SMAP1: variants seen among roughly 807,000 people sequenced by gnomAD.
The protein encoded by SMAP1 is small ArfGAP 1.
A neutral mutation model predicts 58.5 loss-of-function variants in SMAP1; 24 were observed. That is an observed-to-expected ratio of 0.41 (90% CI 0.30 to 0.58). The LOEUF (loss-of-function observed/expected upper bound fraction) is 0.58, where lower values mean the gene tolerates loss of function less well. Among genes scored for constraint, SMAP1 ranks in the 20% least tolerant of loss-of-function variants. The pLI, the probability that SMAP1 is intolerant of heterozygous loss-of-function variation, is 0.29. For missense variants in SMAP1, 563 were observed against 566.3 expected, an observed-to-expected ratio of 0.99 and a Z score of 0.06; for synonymous variants, 216 against 196.6, an observed-to-expected ratio of 1.10 and a Z score of -0.82.
At chr6:70,751,110 C>T (rs1317428133) in intron 2 of SMAP1, among the ~76,000 whole-genome samples, 2 of 151,946 alleles carry the variant, frequency 1.3e-5, no homozygotes, top group African/African-American at 2.4e-5. Flanking sequence ...CATGGTGGCA[C>T]GCATCTGTAC....
chr6:70,843,961 G>A (rs570083917), intron 7 of SMAP1, among the ~76,000 whole-genome samples: 25 of 152,270 alleles, frequency 1.6e-4, no homozygotes, highest in Admixed American at 1.5e-3. Flanking sequence ...ATTATGCTGA[G>A]TAACACACAG....
At chr6:70,803,770 G>A (rs867057005) in intron 6 of SMAP1, among the ~76,000 whole-genome samples, 1 of 152,160 alleles carries the variant, frequency 6.6e-6, no homozygotes, top group Non-Finnish European at 1.5e-5. Flanking sequence ...TTCAGGAGCA[G>A]GTTGTTCAGT....
chr6:70,736,561 T>A (rs537114526), intron 2 of SMAP1, among the ~76,000 whole-genome samples: 2 of 152,352 alleles, frequency 1.3e-5, no homozygotes, highest in South Asian at 4.1e-4. Context: ...ATAGTGATAG[T>A]TATTAATGTT....
chr6:70,673,328 G>GT (rs979251496), intron 1 of SMAP1, among the ~76,000 whole-genome samples: 3 of 152,316 alleles, frequency 2.0e-5, no homozygotes, highest in African/African-American at 7.2e-5. Flanking sequence ...GTCTGTAGAC[G>GT]TTTTTTGTTA....
At chr6:70,841,845 A>G (rs1770818561) in intron 7 of SMAP1, among the ~76,000 whole-genome samples, 1 of 152,230 alleles carries the variant, frequency 6.6e-6, no homozygotes, top group African/African-American at 2.4e-5. Flanking sequence ...TTAGCAACAT[A>G]TACCCAGTTT....
chr6:70,816,070 A>T (rs867095384), intron 6 of SMAP1, among the ~76,000 whole-genome samples: 1 of 152,158 alleles, frequency 6.6e-6, no homozygotes, highest in South Asian at 2.1e-4. Flanking sequence ...GGAGGTTTGG[A>T]GAATTGAGAG....
chr6:70,835,167 G>C (rs1422986343), intron 6 of SMAP1, among the ~76,000 whole-genome samples: 5 of 149,928 alleles, frequency 3.3e-5, no homozygotes, highest in African/African-American at 1.2e-4. Flanking sequence ...CAGGAGAATG[G>C]CTTGAACCCG....
chr6:70,799,293 G>T (rs927373905), intron 6 of SMAP1, among the ~76,000 whole-genome samples: 3 of 152,144 alleles, frequency 2.0e-5, no homozygotes, highest in African/African-American at 7.2e-5. Context: ...AACTCAAATT[G>T]TAGATGTTTA....
intron 1 of SMAP1, among the ~76,000 whole-genome samples, chr6:70,679,316 G>A (rs1297711334): frequency 6.6e-6 from 1 of 152,132 alleles, no homozygotes; most frequent in East Asian, 1.9e-4. Flanking sequence ...ACCGCGCCTG[G>A]CCAGAATCTA....
chr6:70,768,076 C>T (rs1467602430), intron 3 of SMAP1, among the ~76,000 whole-genome samples: 2 of 152,048 alleles, frequency 1.3e-5, no homozygotes, highest in Non-Finnish European at 2.9e-5. Context: ...TATATTGAAC[C>T]AGCCTTACAT....
chr6:70,860,865 A>C lies in SMAP1; in HGVS notation c.*531A>C, dbSNP rs1007597474. 3 of 394,034 alleles carry C rather than the reference A, an allele frequency of 7.6e-6. No homozygotes were observed. The highest frequency in any genetic ancestry group is 9.0e-6 in the Non-Finnish European group (2 of 223,272). 24.4% of individuals were successfully genotyped at this position (394,034 alleles called of 1,614,324 possible). On this transcript the variant is annotated 3_prime_UTR_variant, in exon 11 of 11. Transcript: ENST00000370455. ...GTTGTTATGATGTGCTTAACAGGGA[A>C]CGTGATTAGTGAAAGGAAGATAAAC...
At chr6:70,849,144 G>A (rs1037882020) in intron 7 of SMAP1, among the ~76,000 whole-genome samples, 14 of 152,118 alleles carry the variant, frequency 9.2e-5, no homozygotes, top group African/African-American at 3.1e-4. Context: ...ATCTTGGTGA[G>A]GCCTGGCAGA....
intron 6 of SMAP1, among the ~76,000 whole-genome samples, chr6:70,821,779 C>T (rs1179800862): frequency 6.6e-6 from 1 of 152,072 alleles, no homozygotes; most frequent in Non-Finnish European, 1.5e-5. Context: ...AGAAGAAACC[C>T]GCCAGAGATG....
At chr6:70,788,580 C>G (rs982963057) in intron 4 of SMAP1, among the ~76,000 whole-genome samples, 1 of 152,000 alleles carries the variant, frequency 6.6e-6, no homozygotes, top group Non-Finnish European at 1.5e-5. Flanking sequence ...AGTTTTAACT[C>G]AAAATTAAAG....
At chr6:70,842,577 G>A (rs1232406924) in intron 7 of SMAP1, among the ~76,000 whole-genome samples, 2 of 152,182 alleles carry the variant, frequency 1.3e-5, no homozygotes, top group African/African-American at 4.8e-5. Context: ...GAATTGTTAG[G>A]TGTTGAGAGG....
intron 7 of SMAP1, among the ~76,000 whole-genome samples, chr6:70,841,974 G>A (rs929553010): frequency 2.2e-4 from 33 of 152,316 alleles, no homozygotes; most frequent in African/African-American, 7.9e-4. Context: ...ATTTGGGAAT[G>A]AGCTGAGTAA....
chr6:70,747,977 A>G (rs555362969), intron 2 of SMAP1, among the ~76,000 whole-genome samples: 6 of 152,314 alleles, frequency 3.9e-5, no homozygotes, highest in South Asian at 2.1e-4. Context: ...ATTAAAACAG[A>G]GAACAGCTTC....
At chr6:70,697,979 G>T (rs1311123964) in intron 1 of SMAP1, among the ~76,000 whole-genome samples, 1 of 152,016 alleles carries the variant, frequency 6.6e-6, no homozygotes, top group Non-Finnish European at 1.5e-5. Context: ...GTTTTTTTGT[G>T]TGCTTACTAT....
intron 1 of SMAP1, among the ~76,000 whole-genome samples, chr6:70,710,492 TCAA>T (rs1328210116): frequency 1.2e-4 from 6 of 48,600 alleles, no homozygotes; most frequent in Admixed American, 1.0e-3. Flanking sequence ...GACTCCCATC[TCAA>T]AAAAAAAAAA....
Sources: allele counts gnomAD v4.1 joint callset (sites outside exome capture counted in the v4.1 genomes callset), GRCh38; gene constraint gnomAD v4.1.1; transcripts MANE v1.5; gene names NCBI Gene and HGNC (gene_info 2026-07-23, HGNC 2026-07-21).